Variants in USP16 observed in about 807,000 individuals in gnomAD.
USP16 encodes the protein ubiquitin carboxyl-terminal hydrolase 16.
A neutral mutation model predicts 95.9 loss-of-function variants in USP16; 77 were observed. The observed-to-expected ratio is 0.80, with a 90% CI of 0.67 to 0.97. The LOEUF (loss-of-function observed/expected upper bound fraction) is 0.97. Among genes scored for constraint, USP16 ranks in the 50% least tolerant of loss-of-function variants. The pLI, the probability that USP16 is intolerant of heterozygous loss-of-function variation, is 0.00. For missense variants in USP16, 943 were observed against 959.9 expected (o/e 0.98, Z 0.23); for synonymous variants, 303 against 318.2 (o/e 0.95, Z 0.51).
rs751546795 is a variant in USP16 at position 29,042,095 on chromosome 21, A to G, written c.1113A>G (p.Gln371=). The G allele has an allele frequency of 2.1e-5, 34 of 1,611,446 alleles. No homozygotes were observed. The African/African-American group carries it at 4.0e-4, about 19-fold the overall frequency. ...TAACTAGTATGATCATGTGTGATCA[A>G]TGCAGAACTGTAAGTAGATGTCATG... is the stretch of plus-strand genomic sequence containing the variant. ...GELTSMIMCD[Q]CRTVSLVHES... The change falls in exon 11 of 18, where the codon CAA becomes CAG. Residue 371 remains glutamine (Q), a synonymous_variant. Coordinates refer to ENST00000399976, the MANE Select transcript of USP16 (RefSeq NM_006447.3).
intron 2 of USP16, 129 bp from the exon 3 acceptor site, chr21:29,030,466 T>G (rs930716131): frequency 1.3e-6 from 1 of 772,120 alleles, no homozygotes; most frequent in African/African-American, 1.8e-5. Context: ...AATTTTAAGT[T>G]CAGAATATCT....
At chr21:29,047,758 C>T (rs115835184) in intron 14 of USP16, among the ~76,000 whole-genome samples, 10 of 152,056 alleles carry the variant, frequency 6.6e-5, no homozygotes, top group African/African-American at 2.2e-4. Flanking sequence ...CTGACAATTT[C>T]CCTTATCTCC....
Position 29,053,941 on chromosome 21 carries a change from A to G in USP16, c.2333A>G (p.His778Arg). The change falls in exon 17 of 18, where the codon CAC (histidine) becomes CGC (arginine). Residue 778 changes from histidine (H) to arginine (R), a missense_variant. Physicochemically the swap from His to Arg is conservative, Grantham distance 29. Transcript: ENST00000399976. ...ANSHLSNLVL[H>R]GDIPQDFEME... Reference sequence around the variant, plus strand: ...AGTCATCTCTCTAATCTTGTTCTTCACGGTGATATTCCACAAGGTAAGATG... The same window carrying G: ...AGTCATCTCTCTAATCTTGTTCTTCGCGGTGATATTCCACAAGGTAAGATG... 3.1e-6 allele frequency: 5 copies of G among 1,614,218 alleles called. No individual in the cohort carries two copies. The highest frequency in any genetic ancestry group is 4.2e-6 in the Non-Finnish European group (5 of 1,180,032).
chr21:29,038,571 G>T lies in USP16; in HGVS notation c.732+141G>T, dbSNP rs1232387437. 2.5e-5 allele frequency: 17 copies of T among 673,498 alleles called. No homozygotes were observed. The Admixed American group carries it at 4.7e-4, about 19-fold the overall frequency. The allele number at this position is 673,498 out of a possible 1,614,324, so 41.7% of individuals were successfully genotyped here. The stretch of plus-strand genomic sequence containing the variant: ...AGGCTACTAACTTAAACAGTTTCAG[G>T]CTAATAGAAGTTATAAGGAGGCATT... On this transcript the variant is annotated intron_variant, in intron 7 of 17. Transcript: ENST00000399976.
intron 2 of USP16, among the ~76,000 whole-genome samples, chr21:29,028,883 T>C (rs777408626): frequency 8.5e-5 from 13 of 152,220 alleles, no homozygotes; most frequent in African/African-American, 1.2e-4. Context: ...TAAACAACTT[T>C]ATAGCTAAAT....
chr21:29,037,268 T>C lies in USP16; in HGVS notation c.449-8T>C, dbSNP rs748126101. 1.8e-5 allele frequency: 27 copies of C among 1,503,366 alleles called. No homozygotes were observed. Among genetic ancestry groups the C allele is most frequent in the Non-Finnish European group, 2.4e-5 (27 of 1,107,566 alleles). 93.1% of individuals were successfully genotyped at this position (1,503,366 alleles called of 1,614,324 possible). On this transcript the variant is annotated splice_region_variant and splice_polypyrimidine_tract_variant and intron_variant, in intron 5 of 17. Coordinates refer to ENST00000399976, the MANE Select transcript of USP16 (RefSeq NM_006447.3). Reference sequence around the variant, plus strand: ...ACACATTTTGCTAAATCTTTTCTTTTTTTAAAGCAGAGAAAGATAATGGAA... The same window carrying C: ...ACACATTTTGCTAAATCTTTTCTTTCTTTAAAGCAGAGAAAGATAATGGAA...
intron 4 of USP16, among the ~76,000 whole-genome samples, chr21:29,035,660 G>A (rs1234708046): frequency 6.6e-6 from 1 of 152,106 alleles, no homozygotes; most frequent in African/African-American, 2.4e-5. Context: ...TGGGATTACA[G>A]GCATGAGCCA....
intron 15 of USP16, 134 bp from the exon 16 acceptor site, chr21:29,049,958 G>C (rs1485808070): frequency 2.7e-6 from 2 of 743,798 alleles, no homozygotes; most frequent in African/African-American, 3.6e-5. Context: ...TGTTCAGGAA[G>C]AATTGAGTCT....
At chr21:29,050,312 C>CT (rs1439499238) in intron 16 of USP16, 134 bp downstream of exon 16, 2 of 676,802 alleles carry the variant, frequency 3.0e-6, no homozygotes, top group African/African-American at 3.7e-5. Context: ...ATCATTGTAC[C>CT]TTTATAATTT....
Position 29,047,053 on chromosome 21 carries a change from G to C in USP16, c.1743G>C (p.Leu581Phe). Residue 581 changes from leucine (L) to phenylalanine (F), a missense_variant, in exon 14 of 18, where the codon TTG (leucine) becomes TTC (phenylalanine). Transcript: ENST00000399976. ...CCAATGGTTTCAAAAACCTAAATTT[G>C]AATGCTGCTCTTCATCCTGATGAAA... ...DISNGFKNLN[L>F]NAALHPDEIN... 1 of 1,614,028 alleles carries C rather than the reference G, an allele frequency of 6.2e-7. No individual in the cohort carries two copies. The highest frequency in any genetic ancestry group is 8.5e-7 in the Non-Finnish European group (1 of 1,180,020).
rs184871057 is a variant in USP16 at position 29,029,922 on chromosome 21, G to T, written c.62-673G>T. On this transcript the variant is annotated intron_variant, in intron 2 of 17. Coordinates refer to ENST00000399976, the MANE Select transcript of USP16 (RefSeq NM_006447.3). Reference sequence around the variant, plus strand: ...AATAATAGTGTCTTCTAGGGTGATTGTAAGGATTAAATGGGATAATGTATT... The same window carrying T: ...AATAATAGTGTCTTCTAGGGTGATTTTAAGGATTAAATGGGATAATGTATT... 8.5e-5 allele frequency among the ~76,000 whole-genome samples: 13 copies of T among 152,290 alleles called. No individual in the cohort carries two copies. In the East Asian group the frequency reaches 2.5e-3, roughly 29 times the overall value.
intron 15 of USP16, 75 bp from the exon 16 acceptor site, chr21:29,050,017 G>A (rs570929623): frequency 4.4e-5 from 58 of 1,308,726 alleles, no homozygotes; most frequent in Admixed American, 1.3e-4. Flanking sequence ...TTTGGACGTC[G>A]GAGGGGACTT....
chr21:29,035,783 G>T (rs2085146263), intron 4 of USP16, among the ~76,000 whole-genome samples: 1 of 152,086 alleles, frequency 6.6e-6, no homozygotes, highest in South Asian at 2.1e-4. Flanking sequence ...GCTGGGCATG[G>T]TGGTGGGTGC....
intron 13 of USP16, among the ~76,000 whole-genome samples, chr21:29,046,077 G>A (rs1489700623): frequency 6.6e-6 from 1 of 152,132 alleles, no homozygotes; most frequent in East Asian, 1.9e-4. Context: ...GCCCTCCTTG[G>A]CCTCCCAAAG....
chr21:29,036,233 C>T (rs1380268761), intron 4 of USP16, 38 bp from the exon 5 acceptor site: 2 of 1,532,600 alleles, frequency 1.3e-6, no homozygotes, highest in Non-Finnish European at 9.0e-7. Context: ...TTTTAGTTGT[C>T]ATTTTGTCAT....
At chr21:29,024,882 C>G (rs897000791) in intron 1 of USP16, 105 bp downstream of exon 1, 1 of 1,135,072 alleles carries the variant, frequency 8.8e-7, no homozygotes, top group South Asian at 1.5e-5. Context: ...GAAGGCCGCT[C>G]TCCTTAAGCA....
At chr21:29,040,291 T>C (rs532364598) in intron 9 of USP16, among the ~76,000 whole-genome samples, 2 of 152,272 alleles carry the variant, frequency 1.3e-5, no homozygotes, top group Admixed American at 1.3e-4. Context: ...CCTGTGGCTG[T>C]CATGTAATCA....
intron 12 of USP16, chr21:29,043,182 A>G (rs913481303): frequency 1.8e-5 from 5 of 276,702 alleles, no homozygotes; most frequent in Admixed American, 5.3e-5. Context: ...TTATATTTCT[A>G]TTACACTTAC....
chr21:29,051,124 T>C (rs1271059499), intron 16 of USP16, among the ~76,000 whole-genome samples: 1 of 151,976 alleles, frequency 6.6e-6, no homozygotes, highest in Non-Finnish European at 1.5e-5. Context: ...AGAGAAAGGG[T>C]TGAGGATGAT....
Sources: gnomAD v4.1 joint callset for allele counts (sites outside exome capture counted in the v4.1 genomes callset) on GRCh38, gnomAD v4.1.1 for gene constraint, MANE v1.5 for transcripts, NCBI Gene and HGNC (gene_info 2026-07-23, HGNC 2026-07-21) for gene names.